Variants in PCDHGA5 observed in about 807,000 individuals in gnomAD.
The protein encoded by PCDHGA5 is protocadherin gamma-A5.
Under a neutral mutation model 56.7 loss-of-function variants are expected in PCDHGA5, and 36 were observed. The observed-to-expected ratio is 0.64, with a 90% CI of 0.49 to 0.84. PCDHGA5 has a LOEUF of 0.84. Ranked by LOEUF, PCDHGA5 falls within the 40% of genes least tolerant of loss-of-function variation. The pLI, the probability that PCDHGA5 is intolerant of heterozygous loss-of-function variation, is 0.00. For missense variants in PCDHGA5, 1,305 were observed against 1,201.5 expected (o/e 1.09, Z -1.27); for synonymous variants, 563 against 520.2 (o/e 1.08, Z -1.12).
chr5:141,447,119 A>AT (rs2098526425), intron 1 of PCDHGA5, among the ~76,000 whole-genome samples: 1 of 150,848 alleles, frequency 6.6e-6, no homozygotes, highest in South Asian at 2.1e-4. Flanking sequence ...TGCTCCATGG[A>AT]TTTTTTTGTT....
chr5:141,376,208 A>G, intron 1 of PCDHGA5: 1 of 1,614,128 alleles, frequency 6.2e-7, no homozygotes, highest in Non-Finnish European at 8.5e-7. Context: ...GGCCTTCGTC[A>G]TCGTGCTGCT....
At chr5:141,374,758 C>A (rs1316048031) in intron 1 of PCDHGA5, 3 of 1,613,200 alleles carry the variant, frequency 1.9e-6, no homozygotes, top group Non-Finnish European at 2.5e-6. Context: ...GCTCAAGCGT[C>A]GCCCAAATTC....
At chr5:141,372,559 C>T in intron 1 of PCDHGA5, 1 of 1,614,048 alleles carries the variant, frequency 6.2e-7, no homozygotes, top group Non-Finnish European at 8.5e-7. Context: ...TCCAGACCCG[C>T]CACTGAGGGC....
chr5:141,466,486 T>C (rs1005010773), intron 1 of PCDHGA5, among the ~76,000 whole-genome samples: 1 of 152,240 alleles, frequency 6.6e-6, no homozygotes, highest in Non-Finnish European at 1.5e-5. Flanking sequence ...GTAGGTCTTC[T>C]TTAATTAGAG....
At position 141,419,268 on chromosome 5, in the gene PCDHGA5, C is replaced by T. The variant is rs1240259934; in HGVS notation, c.2421+52517C>T. 6.2e-6 allele frequency: 10 copies of T among 1,614,050 alleles called. No homozygotes were observed. The East Asian group carries it at 2.2e-4, about 36-fold the overall frequency. ...CCAGAAAACAACCAGCCGGGTGCCT[C>T]CATAGCGCAAGTCAGTGCCTCTGAC... is the stretch of plus-strand genomic sequence containing the variant. On this transcript the variant is annotated intron_variant, in intron 1 of 3. Transcript: ENST00000518069.
At position 141,405,389 on chromosome 5, in the gene PCDHGA5, T is replaced by C. The variant is rs577174600; in HGVS notation, c.2421+38638T>C. ...CCCTTTGGTTCCGGTGAGTTCATTT[T>C]TTTTCTTTCTTTCTTTTCTTTTTTT... On this transcript the variant is annotated intron_variant, in intron 1 of 3. Transcript: ENST00000518069. The C allele has an allele frequency of 2.5e-6, 4 of 1,600,534 alleles. No individual in the cohort carries two copies. The East Asian group carries it at 6.7e-5, about 27-fold the overall frequency.
chr5:141,420,960 T>C, intron 1 of PCDHGA5: 1 of 425,378 alleles, frequency 2.4e-6, no homozygotes, highest in East Asian at 3.9e-5. Context: ...TCTTAGTCGT[T>C]GCAATAATAA....
At chr5:141,438,896 CCT>C (rs886177991) in intron 1 of PCDHGA5, among the ~76,000 whole-genome samples, 30 of 151,820 alleles carry the variant, frequency 2.0e-4, no homozygotes, top group Non-Finnish European at 7.4e-5. Context: ...GAACTCCTGA[CCT>C]CAGGTGATCC....
At position 141,420,090 on chromosome 5, in the gene PCDHGA5, G is replaced by A. The variant is rs779478924; in HGVS notation, c.2421+53339G>A. 4.2e-5 allele frequency: 68 copies of A among 1,613,932 alleles called. No individual in the cohort carries two copies. Among genetic ancestry groups the A allele is most frequent in the Non-Finnish European group, 5.7e-5 (67 of 1,179,886 alleles). On this transcript the variant is annotated intron_variant, in intron 1 of 3. Coordinates refer to ENST00000518069, the MANE Select transcript of PCDHGA5 (RefSeq NM_018918.3). ...GGACCTGTGGGTCCCCCCAACTACA[G>A]TGAGGGAACGTTGCCCTATGCCTAT...
At chr5:141,464,327 C>G (rs893319708) in intron 1 of PCDHGA5, among the ~76,000 whole-genome samples, 15 of 150,890 alleles carry the variant, frequency 9.9e-5, no homozygotes, top group African/African-American at 3.7e-4. Flanking sequence ...TCTGTTCAAC[C>G]CATCTATGAC....
chr5:141,423,006 T>A, intron 1 of PCDHGA5: 2 of 1,614,198 alleles, frequency 1.2e-6, no homozygotes, highest in Non-Finnish European at 1.7e-6. Context: ...CCAAGGTGGT[T>A]GCGGTGGACA....
chr5:141,423,117 G>T, intron 1 of PCDHGA5: 1 of 1,613,816 alleles, frequency 6.2e-7, no homozygotes, highest in Non-Finnish European at 8.5e-7. Flanking sequence ...TGCGTACAGC[G>T]CGGGCACTGC....
At chr5:141,372,507 C>T (rs1393188281) in intron 1 of PCDHGA5, 2 of 1,614,044 alleles carry the variant, frequency 1.2e-6, no homozygotes, top group Admixed American at 3.3e-5. Context: ...GCTCTTCCTC[C>T]TCGCGGTGAT....
chr5:141,421,960 CA>C, intron 1 of PCDHGA5: 1 of 1,612,526 alleles, frequency 6.2e-7, no homozygotes, highest in Admixed American at 1.7e-5. Flanking sequence ...AATGTTTACA[CA>C]GTCCGTATAT....
At position 141,437,305 on chromosome 5, in the gene PCDHGA5, G is replaced by A. The variant is rs369317069; in HGVS notation, c.2422-57502G>A. On this transcript the variant is annotated intron_variant, in intron 1 of 3. Transcript: ENST00000518069. ...TATCCATTTCATCTAACAAGTTAAA[G>A]CGTTCAGCTATAATTTAAAATTTGT... 1.8e-4 allele frequency among the ~76,000 whole-genome samples: 28 copies of A among 152,266 alleles called. No homozygotes were observed. In the South Asian group the frequency reaches 4.8e-3, roughly 26 times the overall value.
At chr5:141,415,801 A>G (rs560476453) in intron 1 of PCDHGA5, 12 of 1,373,384 alleles carry the variant, frequency 8.7e-6, no homozygotes, top group East Asian at 5.3e-5. Flanking sequence ...CCTAGTCTCA[A>G]TCAAGGCCTA....
chr5:141,398,586 A>G, intron 1 of PCDHGA5: 2 of 1,614,054 alleles, frequency 1.2e-6, no homozygotes, highest in Non-Finnish European at 1.7e-6. Flanking sequence ...CAAGATTTAT[A>G]CTAGAAGTAG....
intron 1 of PCDHGA5, chr5:141,388,450 G>GATGGCAA: frequency 6.2e-7 from 1 of 1,613,844 alleles, no homozygotes; most frequent in Non-Finnish European, 8.5e-7. Flanking sequence ...TCAGATGGCA[G>GATGGCAA]TAAATACCCT....
intron 1 of PCDHGA5, among the ~76,000 whole-genome samples, chr5:141,368,930 A>G (rs182609850): frequency 1.4e-4 from 22 of 152,346 alleles, no homozygotes; most frequent in Middle Eastern, 3.4e-3. Flanking sequence ...GTGTCTGTCT[A>G]GAATTCTGGT....
Sources: allele counts gnomAD v4.1 joint callset (sites outside exome capture counted in the v4.1 genomes callset), GRCh38; gene constraint gnomAD v4.1.1; transcripts MANE v1.5; gene names NCBI Gene and HGNC (gene_info 2026-07-23, HGNC 2026-07-21).